The following DVL1 variants were observed in gnomAD, a reference collection of about 807,000 sequenced individuals.
The protein encoded by DVL1 is dishevelled segment polarity protein 1.
Under a neutral mutation model 65.0 loss-of-function variants are expected in DVL1, and 49 were observed. The ratio of observed to expected loss-of-function variants is 0.75; its 90% CI spans 0.60 to 0.96. DVL1 has a LOEUF of 0.96. DVL1 is among the 40% of genes least tolerant of loss of function. DVL1 has a pLI of 0.00. For missense variants in DVL1, 1,197 were observed against 1,045.4 expected, an observed-to-expected ratio of 1.15 and a Z score of -2.00; for synonymous variants, 608 against 433.9, an observed-to-expected ratio of 1.40 and a Z score of -4.99.
chr1:1,341,427 T>C (rs1643821954), intron 5 of DVL1, among the ~76,000 whole-genome samples: 1 of 151,650 alleles, frequency 6.6e-6, no homozygotes, highest in African/African-American at 2.4e-5. Context: ...GTGCATCATG[T>C]ACACGTTTGC....
chr1:1,343,484 ACCTGTCATT>A (rs1217134326), intron 1 of DVL1, among the ~76,000 whole-genome samples: 1 of 151,768 alleles, frequency 6.6e-6, no homozygotes, highest in African/African-American at 2.4e-5. Flanking sequence ...CTGCACTCAG[ACCTGTCATT>A]CCCAACCAGG....
intron 1 of DVL1, among the ~76,000 whole-genome samples, chr1:1,345,336 A>G (rs1009823257): frequency 4.6e-5 from 7 of 152,132 alleles, no homozygotes; most frequent in Non-Finnish European, 2.9e-5. Context: ...GGAGAAAGGG[A>G]GCAGGACCCA....
At chr1:1,342,623 C>A in intron 2 of DVL1, 66 bp downstream of exon 2, 1 of 1,597,532 alleles carries the variant, frequency 6.3e-7, no homozygotes, top group East Asian at 2.2e-5. Flanking sequence ...ACCGCCTCCC[C>A]CAGGAAGAGC....
At position 1,348,927 on chromosome 1, in the gene DVL1, AT is replaced by A; in HGVS notation, c.138del (p.Lys46AsnfsTer14). 1 of 1,570,012 alleles carries A rather than the reference AT, an allele frequency of 6.4e-7. No homozygotes were observed. Among genetic ancestry groups the A allele is most frequent in the Non-Finnish European group, 8.7e-7 (1 of 1,154,464 alleles). On this transcript the variant is annotated frameshift_variant, in exon 1 of 15. Coordinates refer to ENST00000378888, the MANE Select transcript of DVL1 (RefSeq NM_001330311.2). LOFTEE classifies it high-confidence loss of function. Reference protein sequence around the residue: ...VLSNRPVHAYKFFFKSMDQDF... With the variant: ...VLSNRPVHAYXFFFKSMDQDF... Reference sequence around the variant, plus strand: ...TCCTGGTCCATGGACTTAAAGAAGAATTTGTAGGCGTGCACGGGCCGGTTGC... The same window carrying A: ...TCCTGGTCCATGGACTTAAAGAAGAATTGTAGGCGTGCACGGGCCGGTTGC...
intron 11 of DVL1, 116 bp downstream of exon 11, chr1:1,339,171 G>A (rs1643695374): frequency 3.6e-6 from 5 of 1,380,954 alleles, no homozygotes; most frequent in African/African-American, 2.9e-5. Flanking sequence ...GTTGGGGACA[G>A]GCAACACACA....
Position 1,337,977 on chromosome 1 carries a change from C to T in DVL1, c.1714G>A (p.Gly572Arg), listed in dbSNP as rs1643639332. The change falls in exon 14 of 15, where the codon GGG becomes AGG. Residue 572 changes from glycine (G) to arginine (R), a missense_variant and splice_region_variant. By Grantham distance (125) the Gly-to-Arg change is moderately radical (BLOSUM62 -2). Transcript: ENST00000378888. The part of the protein sequence containing the change: ...SGSTGSQQSE[G>R]SKSSGSTRSS... ...GGGCAGGTAGGGGCGGCGTTCTCAC[C>T]TTCACTCTGCTGACTCCCGGTGCTG... 1.2e-6 allele frequency: 2 copies of T among 1,611,072 alleles called. No individual in the cohort carries two copies. The highest frequency in any genetic ancestry group is 1.7e-6 in the Non-Finnish European group (2 of 1,179,512).
intron 1 of DVL1, among the ~76,000 whole-genome samples, chr1:1,343,268 C>A (rs892969254): frequency 9.4e-5 from 9 of 96,084 alleles, no homozygotes; most frequent in Admixed American, 2.0e-4. Flanking sequence ...CCCCCCCCCC[C>A]CAGGGCTTCC....
chr1:1,341,936 G>A, intron 4 of DVL1, 117 bp downstream of exon 4: 1 of 1,454,492 alleles, frequency 6.9e-7, no homozygotes. Context: ...CTGGGCCTGT[G>A]CCTCCACCCA....
rs746483212 is a variant in DVL1 at position 1,341,810 on chromosome 1, G to C, written c.467-5C>G. The C allele has an allele frequency of 9.5e-6, 15 of 1,571,854 alleles. No homozygotes were observed. In the Admixed American group the frequency reaches 2.1e-4, roughly 22 times the overall value. ...GGTGCCCATTGGTCCGGGCGGCTGT[G>C]GGGGCAGCAGGTTGGGAACTGACTG... is the stretch of plus-strand genomic sequence containing the variant. On this transcript the variant is annotated splice_polypyrimidine_tract_variant and splice_region_variant and intron_variant, in intron 4 of 14. Coordinates refer to ENST00000378888, the MANE Select transcript of DVL1 (RefSeq NM_001330311.2).
intron 1 of DVL1, 100 bp from the exon 2 acceptor site, chr1:1,342,858 G>T (rs962400730): frequency 1.8e-6 from 2 of 1,101,802 alleles, no homozygotes; most frequent in Non-Finnish European, 1.3e-6. Context: ...CCCACACAAT[G>T]TCACTCTGTG....
intron 5 of DVL1, among the ~76,000 whole-genome samples, 167 bp from the exon 6 acceptor site, chr1:1,340,670 T>G (rs982781061): frequency 6.6e-6 from 1 of 152,078 alleles, no homozygotes. Flanking sequence ...GATATGCATA[T>G]GAGCACACAC....
At position 1,338,432 on chromosome 1, in the gene DVL1, C is replaced by T. The variant is rs867144796; in HGVS notation, c.1344G>A (p.Ala448=). The part of the protein sequence containing the change: ...KITIANAVIG[A]DVVDWLYTHV... ...GTGTGTACAGCCAGTCCACCACGTC[C>T]GCCCCTGGCCGGCACCAGCGGTCAG... The change falls in exon 13 of 15, where the codon GCG becomes GCA. Residue 448 remains alanine, a synonymous_variant. Transcript: ENST00000378888. The T allele has an allele frequency of 2.5e-6, 4 of 1,609,848 alleles. No individual in the cohort carries two copies. The highest frequency in any genetic ancestry group is 1.1e-5 in the South Asian group (1 of 90,956).
chr1:1,347,638 G>A (rs1220145074), intron 1 of DVL1, among the ~76,000 whole-genome samples: 4 of 152,196 alleles, frequency 2.6e-5, no homozygotes, highest in Non-Finnish European at 5.9e-5. Flanking sequence ...AAAAGTACCT[G>A]ACACATGCCC....
chr1:1,341,405 A>G (rs1241582322), intron 5 of DVL1, among the ~76,000 whole-genome samples: 1 of 152,126 alleles, frequency 6.6e-6, no homozygotes, highest in African/African-American at 2.4e-5. Flanking sequence ...ACACACATGC[A>G]CAAGCAGACA....
rs770226805 is a variant in DVL1 at position 1,336,243 on chromosome 1, C to G, written c.1987G>C (p.Val663Leu). The change falls in exon 15 of 15, where the codon GTC becomes CTC. Residue 663 changes from valine (V) to leucine (L), a missense_variant. Val to Leu is a conservative substitution (Grantham distance 32). Transcript: ENST00000378888. Reference sequence around the variant, plus strand: ...GGGGGGACGGCAGCCAGCTCCCGGACAGGGGGTCCCCCGGGTGGCCCCCCC... The same window carrying G: ...GGGGGGACGGCAGCCAGCTCCCGGAGAGGGGGTCCCCCGGGTGGCCCCCCC... Reference protein sequence around the residue: ...VVGGPPGGPPVRELAAVPPEL... With the variant: ...VVGGPPGGPPLRELAAVPPEL... 3.2e-6 allele frequency: 5 copies of G among 1,558,944 alleles called. No individual in the cohort carries two copies. In the South Asian group the frequency reaches 4.6e-5, roughly 14 times the overall value.
At position 1,348,956 on chromosome 1, in the gene DVL1, A is replaced by G; in HGVS notation, c.110T>C (p.Leu37Pro). The G allele has an allele frequency of 6.4e-7, 1 of 1,574,266 alleles. No homozygotes were observed. Among genetic ancestry groups the G allele is most frequent in the African/African-American group, 1.4e-5 (1 of 72,100 alleles). The change falls in exon 1 of 15, where the codon CTC becomes CCC. Residue 37 changes from leucine to proline, a missense_variant. Physicochemically the swap from Leu to Pro is moderately conservative, Grantham distance 98. Transcript: ENST00000378888. Reference sequence around the variant, plus strand: ...GTAGGCGTGCACGGGCCGGTTGCTGAGCACGTTCTTGAAGTCGGCCAGCGT... The same window carrying G: ...GTAGGCGTGCACGGGCCGGTTGCTGGGCACGTTCTTGAAGTCGGCCAGCGT... ...RVTLADFKNV[L>P]SNRPVHAYKF... is the part of the protein sequence containing the mutation.
Position 1,341,686 on chromosome 1 carries a change from CGTCCGA to C in DVL1, c.580_585del (p.Ser194_Asp195del). 6.2e-7 allele frequency: 1 copy of C among 1,608,664 alleles called. No individual in the cohort carries two copies. The highest frequency in any genetic ancestry group is 8.5e-7 in the Non-Finnish European group (1 of 1,176,504). On this transcript the variant is annotated inframe_deletion, in exon 5 of 15. Coordinates refer to ENST00000378888, the MANE Select transcript of DVL1 (RefSeq NM_001330311.2). ...ACACACCTGCTCGTGCTGCCATCCTCGTCCGAGTCCACAAAGCTGCTGGACTCAAGC... is the reference window on the plus strand; with the variant it reads ...ACACACCTGCTCGTGCTGCCATCCTCGTCCACAAAGCTGCTGGACTCAAGC...
rs1643674059 is a variant in DVL1, at chr1:1,338,613, G to A, written c.1248C>T (p.Ser416=). 4 of 1,611,924 alleles carry A rather than the reference G, an allele frequency of 2.5e-6. No homozygotes were observed. Among genetic ancestry groups the A allele is most frequent in the Middle Eastern group, 1.6e-4 (1 of 6,062 alleles). ...GCAGCTGCATGACCCGGACGACGGC[G>A]CTCATGTCACTCTTCACCGTCAGCG... ...EAPLTVKSDM[S]AVVRVMQLPD... is the part of the protein sequence containing the mutation. The change falls in exon 12 of 15, where the codon AGC becomes AGT. Residue 416 remains serine, a synonymous_variant. Transcript: ENST00000378888.
chr1:1,339,591 C>G lies in DVL1; in HGVS notation c.1045G>C (p.Val349Leu), dbSNP rs762199361. The change falls in exon 10 of 15, where the codon GTC (valine) becomes CTC (leucine). Residue 349 changes from valine (V) to leucine (L), a missense_variant. By Grantham distance (32) the Val-to-Leu change is conservative. Transcript: ENST00000378888. ...WDPTPRSYFT[V>L]PRADPVRPID... ...CCCGAGGGCCACTCACCCCGTGGGA[C>G]GGTGAAGTAGCTTCGGGGCGTTGGG... is the stretch of plus-strand genomic sequence containing the variant. 1.9e-6 allele frequency: 3 copies of G among 1,606,992 alleles called. No individual in the cohort carries two copies. In the South Asian group the frequency reaches 3.3e-5, roughly 18 times the overall value.
Sources: gnomAD v4.1 joint callset for allele counts (sites outside exome capture counted in the v4.1 genomes callset) on GRCh38, gnomAD v4.1.1 for gene constraint, MANE v1.5 for transcripts, NCBI Gene and HGNC (gene_info 2026-07-23, HGNC 2026-07-21) for gene names.